The following NUP153 variants were observed in gnomAD, a reference collection of about 807,000 sequenced individuals.
The protein encoded by NUP153 is nucleoporin 153.
Under a neutral mutation model 134.6 loss-of-function variants are expected in NUP153, and 27 were observed. The ratio of observed to expected loss-of-function variants is 0.20; its 90% CI spans 0.15 to 0.28. The LOEUF (loss-of-function observed/expected upper bound fraction) is 0.28. NUP153 is among the 10% of genes least tolerant of loss of function. The pLI is 1.00. For missense variants in NUP153, 1,821 were observed against 1,731.3 expected, an observed-to-expected ratio of 1.05 and a Z score of -0.92; for synonymous variants, 640 against 623.5, an observed-to-expected ratio of 1.03 and a Z score of -0.40.
Position 17,675,607 on chromosome 6 carries a change from T to C in NUP153, c.498A>G (p.Val166=), listed in dbSNP as rs1406660077. The C allele has an allele frequency of 6.2e-7, 1 of 1,614,132 alleles. No homozygotes were observed. Among genetic ancestry groups the C allele is most frequent in the Admixed American group, 1.7e-5 (1 of 60,020 alleles). Residue 166 remains valine, a synonymous_variant, in exon 3 of 22, where the codon GTA becomes GTG. Coordinates refer to ENST00000262077, the MANE Select transcript of NUP153 (RefSeq NM_005124.4). The surrounding 1 kb of genome is among the most constrained non-coding windows in gnomAD (Gnocchi z 4.4). ...GAGAGGTAGAATCTTTAATTTCCTT[T>C]ACAAGGGAAAATCCCGAACTGCCAA... ...FPIGSSGFSL[V]KEIKDSTSQH... is the part of the protein sequence containing the mutation.
At chr6:17,691,545 A>C (rs1046150353) in intron 1 of NUP153, among the ~76,000 whole-genome samples, 3 of 152,134 alleles carry the variant, frequency 2.0e-5, no homozygotes, top group Non-Finnish European at 4.4e-5. Flanking sequence ...CTGGTGGATC[A>C]CTTGAGGCCA....
At chr6:17,624,860 C>T (rs762162026) in intron 19 of NUP153, 27 bp from the exon 20 acceptor site, 17 of 1,540,592 alleles carry the variant, frequency 1.1e-5, no homozygotes, top group Non-Finnish European at 1.5e-5. Flanking sequence ...ACACTTAAGT[C>T]ACCATGGTGG....
chr6:17,688,768 G>T, intron 1 of NUP153, 150 bp from the exon 2 acceptor site: 1 of 608,324 alleles, frequency 1.6e-6, no homozygotes, highest in South Asian at 2.1e-5. Flanking sequence ...TAACATAATG[G>T]TTTTTACAAA....
At chr6:17,687,518 G>C (rs1346695656) in intron 2 of NUP153, among the ~76,000 whole-genome samples, 1 of 152,062 alleles carries the variant, frequency 6.6e-6, no homozygotes, top group Non-Finnish European at 1.5e-5. Context: ...ACATCTAGTT[G>C]AACATTACTA....
intron 20 of NUP153, among the ~76,000 whole-genome samples, chr6:17,620,403 C>T (rs1013016581): frequency 1.3e-5 from 2 of 152,178 alleles, no homozygotes; most frequent in African/African-American, 4.8e-5. Flanking sequence ...AAAGGATACT[C>T]TCTTCAGTAA....
rs781038491 is a variant in NUP153, at chr6:17,675,024, T to C, written c.733A>G (p.Asn245Asp). The change falls in exon 5 of 22, where the codon AAT becomes GAT. Residue 245 changes from asparagine (N) to aspartate (D), a missense_variant. Asn to Asp is a conservative substitution (Grantham distance 23). Coordinates refer to ENST00000262077, the MANE Select transcript of NUP153 (RefSeq NM_005124.4). The surrounding 1 kb of genome is among the most constrained non-coding windows in gnomAD (Gnocchi z 4.4). ...TGACTGGTTTTAAGGATTGAAGAAT[T>C]CCCAAGTGACTGCACAGAAACAGAA... is the stretch of plus-strand genomic sequence containing the variant. Reference protein sequence around the residue: ...AFGTLSPSLGNSSILKTSQLG... With the variant: ...AFGTLSPSLGDSSILKTSQLG... The C allele has an allele frequency of 4.3e-6, 7 of 1,612,688 alleles. No homozygotes were observed. Among genetic ancestry groups the C allele is most frequent in the Non-Finnish European group, 5.9e-6 (7 of 1,179,608 alleles).
chr6:17,672,480 G>A (rs949401325), intron 5 of NUP153, among the ~76,000 whole-genome samples: 1 of 152,100 alleles, frequency 6.6e-6, no homozygotes, highest in South Asian at 2.1e-4. Flanking sequence ...GGAGGCTAAA[G>A]TGGGAGGATC....
intron 16 of NUP153, 100 bp downstream of exon 16, chr6:17,637,053 A>AACATATTTAG: frequency 8.5e-7 from 1 of 1,178,290 alleles, no homozygotes. Context: ...ATGTATGAGA[A>AACATATTTAG]ATGCTCATCC....
At chr6:17,623,142 A>G (rs186234183) in intron 20 of NUP153, among the ~76,000 whole-genome samples, 1 of 151,946 alleles carries the variant, frequency 6.6e-6, no homozygotes, top group East Asian at 1.9e-4. Flanking sequence ...AAAAAAAAAA[A>G]AAAGACGATG....
chr6:17,626,145 T>C lies in NUP153; in HGVS notation c.3564A>G (p.Pro1188=), dbSNP rs1764937879. The change falls in exon 19 of 22, where the codon CCA becomes CCG. Residue 1188 remains proline (P), a synonymous_variant. Coordinates refer to ENST00000262077, the MANE Select transcript of NUP153 (RefSeq NM_005124.4). ...AACTGTTGTTCAAGAAACTAAAAAC[T>C]GGCTTTGCTGCACCTTGATCTGTAA... ...STTADQGAAK[P]VFSFLNNSSS... The C allele has an allele frequency of 6.2e-7, 1 of 1,612,218 alleles. No homozygotes were observed. Among genetic ancestry groups the C allele is most frequent in the Non-Finnish European group, 8.5e-7 (1 of 1,179,700 alleles).
At position 17,629,384 on chromosome 6, in the gene NUP153, C is replaced by G. The variant is rs750256636; in HGVS notation, c.2815G>C (p.Asp939His). The G allele has an allele frequency of 1.9e-6, 3 of 1,613,758 alleles. No homozygotes were observed. Among genetic ancestry groups the G allele is most frequent in the Non-Finnish European group, 1.7e-6 (2 of 1,179,902 alleles). The change falls in exon 18 of 22, where the codon GAT becomes CAT. Residue 939 changes from aspartate (D) to histidine (H), a missense_variant. By Grantham distance (81) the Asp-to-His change is moderately conservative. Coordinates refer to ENST00000262077, the MANE Select transcript of NUP153 (RefSeq NM_005124.4). ...QGGFKIGVSS[D>H]SGSINPMSEG... ...CTCATGGGGTTTATAGACCCAGAAT[C>G]GGATGACACACCTATTTTGAATCCT...
intron 20 of NUP153, among the ~76,000 whole-genome samples, chr6:17,621,026 A>C (rs963918579): frequency 2.0e-4 from 30 of 152,192 alleles, no homozygotes; most frequent in Non-Finnish European, 3.4e-4. Flanking sequence ...AAACAAAAAC[A>C]ACCAAATAAT....
chr6:17,651,856 G>A lies in NUP153; in HGVS notation c.1396-2556C>T, dbSNP rs574113404. On this transcript the variant is annotated intron_variant, in intron 11 of 21. Transcript: ENST00000262077. ...TACCTGTAATCTCAGCACTTTGAGA[G>A]GCCAAGATGGGATGATCGCTTGAGC... is the stretch of plus-strand genomic sequence containing the variant. 1.3e-3 allele frequency: 860 copies of A among 668,736 alleles called. 4 individuals are homozygous for A. Among genetic ancestry groups the A allele is most frequent in the Non-Finnish European group, 1.7e-3 (610 of 359,804 alleles). The allele number at this position is 668,736 out of a possible 1,614,324, so 41.4% of individuals were successfully genotyped here. A position where few individuals can be genotyped will look rare whatever the true frequency, so the allele number is the denominator to read the frequency against.
At position 17,680,679 on chromosome 6, in the gene NUP153, C is replaced by A. The variant is rs902816309; in HGVS notation, c.335-4909G>T. Among the ~76,000 whole-genome samples, 2 of 152,072 alleles carry A rather than the reference C, an allele frequency of 1.3e-5. No individual in the cohort carries two copies. The highest frequency in any genetic ancestry group is 4.8e-5 in the African/African-American group (2 of 41,386). On this transcript the variant is annotated intron_variant, in intron 2 of 21. Transcript: ENST00000262077. The surrounding 1 kb of genome is among the most constrained non-coding windows in gnomAD (Gnocchi z 4.5). ...CAACCTACAGGATGGGAGAAAATAT[C>A]CACAAATTATATATGTGATAAGGGA...
At chr6:17,705,987 T>A (rs890965087) in intron 1 of NUP153, among the ~76,000 whole-genome samples, 3 of 152,008 alleles carry the variant, frequency 2.0e-5, no homozygotes, top group African/African-American at 4.8e-5. Context: ...AACGCGCGCA[T>A]CATGGGCCTA....
rs1344080902 is a variant in NUP153 at position 17,665,309 on chromosome 6, T to C, written c.1145A>G (p.Tyr382Cys). The C allele has an allele frequency of 7.4e-6, 12 of 1,613,264 alleles. No homozygotes were observed. Among genetic ancestry groups the C allele is most frequent in the Non-Finnish European group, 8.5e-7 (1 of 1,179,430 alleles). ...AGAAGGAGTCAGAGATGGTTTAAAA[T>C]AAACACTTCGATTTGTTGCTATGGA... ...PVSIATNRSV[Y>C]FKPSLTPSGE... Residue 382 changes from tyrosine (Y) to cysteine (C), a missense_variant, in exon 9 of 22, where the codon TAT becomes TGT. Transcript: ENST00000262077.
chr6:17,679,384 A>T (rs1264877978), intron 2 of NUP153, among the ~76,000 whole-genome samples: 1 of 152,228 alleles, frequency 6.6e-6, no homozygotes, highest in Non-Finnish European at 1.5e-5. Context: ...ACAGAAATGG[A>T]AAAATATCCC....
chr6:17,670,057 C>T (rs1767798323), intron 5 of NUP153, among the ~76,000 whole-genome samples: 1 of 139,930 alleles, frequency 7.1e-6, no homozygotes, highest in Non-Finnish European at 1.5e-5. Context: ...GACTGCACCA[C>T]TCTACTCCAG....
intron 2 of NUP153, among the ~76,000 whole-genome samples, chr6:17,685,473 C>T (rs1768865007): frequency 1.3e-5 from 2 of 150,424 alleles, no homozygotes; most frequent in Non-Finnish European, 2.9e-5. Context: ...GGTGTGAACC[C>T]AGGAGGCGGA....
Sources: allele counts gnomAD v4.1 joint callset (sites outside exome capture counted in the v4.1 genomes callset), GRCh38; gene constraint gnomAD v4.1.1; non-coding constraint Gnocchi (gnomAD v3.1); transcripts MANE v1.5; gene names NCBI Gene and HGNC (gene_info 2026-07-23, HGNC 2026-07-21).